TMEM230: variants seen among roughly 807,000 people sequenced by gnomAD.
TMEM230 encodes UPF0414 transmembrane protein C20orf30.
Under a neutral mutation model 15.8 loss-of-function variants are expected in TMEM230, and 10 were observed. The ratio of observed to expected loss-of-function variants is 0.63; its 90% CI spans 0.39 to 1.07. The LOEUF (loss-of-function observed/expected upper bound fraction) is 1.07. Ranked by LOEUF, TMEM230 falls within the 50% of genes least tolerant of loss-of-function variation. The pLI, the probability that TMEM230 is intolerant of heterozygous loss-of-function variation, is 0.01. For missense variants in TMEM230, 165 were observed against 193.3 expected, an observed-to-expected ratio of 0.85 and a Z score of 0.87; for synonymous variants, 67 against 76.9, an observed-to-expected ratio of 0.87 and a Z score of 0.68.
At chr20:5,105,729 T>C (rs1005074879) in intron 4 of TMEM230, among the ~76,000 whole-genome samples, 2 of 151,954 alleles carry the variant, frequency 1.3e-5, no homozygotes, top group African/African-American at 4.8e-5. Flanking sequence ...ACACCTACTA[T>C]GTACCCATAA....
chr20:5,100,118 A>C lies in TMEM230; in HGVS notation c.*673T>G, dbSNP rs1344316250. The stretch of plus-strand genomic sequence containing the variant: ...CGGCCGTTAAAGGAATAATCTGCAG[A>C]ACATCTTGATTTACAAGGGACAAAA... On this transcript the variant is annotated 3_prime_UTR_variant, in exon 5 of 5. Coordinates refer to ENST00000342308, the MANE Select transcript of TMEM230 (RefSeq NM_001009923.2). The C allele has an allele frequency of 1.0e-6, 1 of 985,328 alleles. No individual in the cohort carries two copies. Among genetic ancestry groups the C allele is most frequent in the Non-Finnish European group, 1.2e-6 (1 of 829,958 alleles). 61.0% of individuals were successfully genotyped at this position (985,328 alleles called of 1,614,324 possible). A position where few individuals can be genotyped will look rare whatever the true frequency, so the allele number is the denominator to read the frequency against.
exon 4 of TMEM230, chr20:5,068,732 T>C (rs1249452238): frequency 6.5e-6 from 1 of 153,342 alleles, no homozygotes. Flanking sequence ...ATCCAGCGGT[T>C]TTATTACTCA....
chr20:5,070,824 C>T (rs6038056), intron 3 of TMEM230, among the ~76,000 whole-genome samples: 8,768 of 152,182 alleles, frequency 0.058, 725 homozygotes, highest in African/African-American at 0.19. Context: ...TGGAGTACAG[C>T]GGTGCGATTA....
downstream of TMEM230, among the ~76,000 whole-genome samples, chr20:5,067,756 C>A (rs866396257): frequency 9.3e-5 from 13 of 139,710 alleles, no homozygotes; most frequent in East Asian, 2.1e-4. Context: ...ACCCAGCCCC[C>A]CTCTGCTTTT....
chr20:5,065,007 A>G (rs909081666), downstream of TMEM230, among the ~76,000 whole-genome samples: 1 of 152,124 alleles, frequency 6.6e-6, no homozygotes, highest in Non-Finnish European at 1.5e-5. Flanking sequence ...TCTCATCTCT[A>G]TTAAAAAAAC....
At chr20:5,076,269 G>A (rs2088990762) in intron 3 of TMEM230, among the ~76,000 whole-genome samples, 1 of 152,064 alleles carries the variant, frequency 6.6e-6, no homozygotes, top group African/African-American at 2.4e-5. Context: ...GGCTGGGCAT[G>A]GTAGCTCACG....
exon 4 of TMEM230, chr20:5,069,289 G>A (rs1017823880): frequency 2.3e-5 from 36 of 1,535,786 alleles, no homozygotes; most frequent in Middle Eastern, 1.7e-4. Flanking sequence ...ATGTACCCAC[G>A]GGATGCTGGT....
chr20:5,063,150 G>A, the TMEM230 span, among the ~76,000 whole-genome samples: 1 of 152,034 alleles, frequency 6.6e-6, no homozygotes, highest in Non-Finnish European at 1.5e-5. Context: ...CAGTAACTGG[G>A]GAGGAGGAAG....
the TMEM230 span, among the ~76,000 whole-genome samples, chr20:5,060,493 C>T: frequency 6.6e-6 from 1 of 151,852 alleles, no homozygotes; most frequent in Admixed American, 6.6e-5. Flanking sequence ...TAGACCACGA[C>T]GCCCAGCTAG....
intron 4 of TMEM230, among the ~76,000 whole-genome samples, chr20:5,104,460 T>C (rs1043587161): frequency 2.7e-4 from 41 of 152,342 alleles, no homozygotes; most frequent in African/African-American, 9.9e-4. Flanking sequence ...TAAATTAGTA[T>C]AGCCACTATG....
intron 4 of TMEM230, among the ~76,000 whole-genome samples, chr20:5,102,711 A>T (rs1362053857): frequency 6.8e-6 from 1 of 147,652 alleles, no homozygotes. Flanking sequence ...AAAAAAAAAG[A>T]ATACTAATCC....
intron 3 of TMEM230, 169 bp downstream of exon 2, chr20:5,109,163 C>T: frequency 1.8e-6 from 1 of 553,766 alleles, no homozygotes; most frequent in Non-Finnish European, 3.2e-6. Flanking sequence ...ACTACCCTGC[C>T]ACGGCCCTCT....
chr20:5,090,828 G>A (rs1219593064), intron 3 of TMEM230, among the ~76,000 whole-genome samples: 1 of 152,116 alleles, frequency 6.6e-6, no homozygotes, highest in Admixed American at 6.6e-5. Context: ...TGCACCACTA[G>A]ATATAGTCAA....
At chr20:5,073,605 T>C (rs191905489) in intron 3 of TMEM230, among the ~76,000 whole-genome samples, 13 of 152,230 alleles carry the variant, frequency 8.5e-5, no homozygotes, top group East Asian at 3.9e-4. Flanking sequence ...ACGCCAGAGA[T>C]AGGAAAGCCC....
intron 3 of TMEM230, among the ~76,000 whole-genome samples, chr20:5,075,691 C>G (rs1381149876): frequency 6.6e-6 from 1 of 152,050 alleles, no homozygotes; most frequent in African/African-American, 2.4e-5. Context: ...CACCACTTCA[C>G]TCCAGCCTGG....
rs999614379 is a variant in TMEM230, at chr20:5,103,031, A to C, written c.412-2100T>G. Among the ~76,000 whole-genome samples the C allele has an allele frequency of 3.9e-5, 6 of 152,332 alleles. No homozygotes were observed. In the East Asian group the frequency reaches 1.2e-3, roughly 29 times the overall value. On this transcript the variant is annotated intron_variant, in intron 4 of 4. Transcript: ENST00000342308. Reference sequence around the variant, plus strand: ...ATCAGCAGAATGAAGGACAAAAACCATATGATTATTTCAATCGATGCTAGA... The same window carrying C: ...ATCAGCAGAATGAAGGACAAAAACCCTATGATTATTTCAATCGATGCTAGA...
exon 4 of TMEM230, chr20:5,069,184 A>G: frequency 6.6e-7 from 1 of 1,522,412 alleles, no homozygotes; most frequent in Non-Finnish European, 8.7e-7. Flanking sequence ...TAGAGGCACC[A>G]ACCTCAGTCA....
rs10547417 is a variant in TMEM230 at position 5,081,873 on chromosome 20, C to CT, written c.223-12525dup. ...GAAATTCACTGATTTTCTTTTTTTT[C>CT]TTTTTTTTTTTTTTTTTTTAGACAG... is the stretch of plus-strand genomic sequence containing the variant. On this transcript the variant is annotated intron_variant, in intron 3 of 3. Transcript: ENST00000612323. Among the ~76,000 whole-genome samples the CT allele has an allele frequency of 5.1e-3, 224 of 43,864 alleles. 1 individual carries two copies. In the East Asian group the frequency reaches 0.12, roughly 24 times the overall value. 28.8% of individuals were successfully genotyped at this position (43,864 alleles called of 152,430 possible). A position where few individuals can be genotyped will look rare whatever the true frequency, so the allele number is the denominator to read the frequency against.
At chr20:5,090,024 G>A (rs2089463062) in intron 3 of TMEM230, among the ~76,000 whole-genome samples, 1 of 151,494 alleles carries the variant, frequency 6.6e-6, no homozygotes, top group Non-Finnish European at 1.5e-5. Context: ...AAAAAGAAAA[G>A]AAAAGAAAAG....
Sources: gnomAD v4.1 joint callset for allele counts (sites outside exome capture counted in the v4.1 genomes callset) on GRCh38, gnomAD v4.1.1 for gene constraint, MANE v1.5 for transcripts, NCBI Gene and HGNC (gene_info 2026-07-23, HGNC 2026-07-21) for gene names.